The following LPA variants were observed in gnomAD, a reference collection of about 807,000 sequenced individuals.
LPA encodes lipoprotein(a), also known as apolipoprotein(a).
In LPA, 199 loss-of-function variants were observed where a neutral mutation model predicts 197.9. That is an observed-to-expected ratio of 1.01 (90% CI 0.90 to 1.13). LPA has a LOEUF of 1.13. Ranked by LOEUF, LPA falls within the 50% of genes most tolerant of loss-of-function variation. LPA has a pLI of 0.00. For missense variants in LPA, 1,853 were observed against 1,785.8 expected (o/e 1.04, Z -0.68); for synonymous variants, 715 against 639.5 (o/e 1.12, Z -1.78).
At chr6:160,609,242 A>C (rs892458189) in intron 16 of LPA, among the ~76,000 whole-genome samples, 6 of 152,224 alleles carry the variant, frequency 3.9e-5, no homozygotes, top group African/African-American at 1.4e-4. Context: ...TGTTTTGGGC[A>C]GTGCACAATA....
chr6:160,587,751 TTGTGTGTGTGTGTGTGTGTGTGTGTGTG>T (rs67979615), intron 24 of LPA, among the ~76,000 whole-genome samples: 4 of 125,466 alleles, frequency 3.2e-5, no homozygotes, highest in Non-Finnish European at 6.7e-5. Context: ...GGTTCAGTCT[TTGTGTGTGTGTGTGTGTGTGTGTGTGTG>T]TGTGTGTGTG....
chr6:160,592,944 T>C (rs1485291181), intron 22 of LPA, among the ~76,000 whole-genome samples: 1 of 152,186 alleles, frequency 6.6e-6, no homozygotes, highest in East Asian at 1.9e-4. Flanking sequence ...ACTGTTCCCT[T>C]GCAGTTGTTC....
rs554282299 is a variant in LPA at position 160,607,168 on chromosome 6, C to T, written c.2604-510G>A. 8.1e-4 allele frequency among the ~76,000 whole-genome samples: 123 copies of T among 152,238 alleles called. 1 individual carries two copies. The highest frequency in any genetic ancestry group is 2.8e-3 in the African/African-American group (117 of 41,506). ...AGGATAACCTTTCCAGGTCAACCTT[C>T]ACTCTCTATGTACTCAAAACCTCGC... On this transcript the variant is annotated intron_variant, in intron 16 of 38. Coordinates refer to ENST00000316300, the MANE Select transcript of LPA (RefSeq NM_005577.4).
At chr6:160,548,342 G>C in intron 31 of LPA, 136 bp downstream of exon 31, 2 of 889,654 alleles carry the variant, frequency 2.2e-6, no homozygotes, top group Non-Finnish European at 3.5e-6. Context: ...GGTCATGGCA[G>C]AACCTCAACC....
At chr6:160,580,055 C>T (rs187614196) in intron 26 of LPA, among the ~76,000 whole-genome samples, 131 of 152,290 alleles carry the variant, frequency 8.6e-4, no homozygotes, top group Admixed American at 3.2e-3. Context: ...CCTCTTCCCA[C>T]GGCCAGTGTC....
At chr6:160,537,442 C>G (rs771483587) in intron 37 of LPA, among the ~76,000 whole-genome samples, 40 of 152,154 alleles carry the variant, frequency 2.6e-4, no homozygotes, top group Non-Finnish European at 4.7e-4. Flanking sequence ...TGTTTAGAAA[C>G]GCAGTCTGTC....
rs531603981 is a variant in LPA at position 160,570,199 on chromosome 6, G to A, written c.4631+6937C>T. 7.2e-5 allele frequency among the ~76,000 whole-genome samples: 11 copies of A among 152,180 alleles called. No individual in the cohort carries two copies. The East Asian group carries it at 9.7e-4, about 13-fold the overall frequency. On this transcript the variant is annotated intron_variant, in intron 28 of 38. Coordinates refer to ENST00000316300, the MANE Select transcript of LPA (RefSeq NM_005577.4). Reference sequence around the variant, plus strand: ...ACACATGCACACATATGTTTATTGCGGCACTATTCACAATAGCAAAGACTT... The same window carrying A: ...ACACATGCACACATATGTTTATTGCAGCACTATTCACAATAGCAAAGACTT...
At chr6:160,604,857 G>A (rs1170365677) in intron 18 of LPA, among the ~76,000 whole-genome samples, 189 bp downstream of exon 18, 2 of 152,114 alleles carry the variant, frequency 1.3e-5, no homozygotes, top group Non-Finnish European at 2.9e-5. Flanking sequence ...AAACTAGGAG[G>A]AAGGAGAGCC....
intron 16 of LPA, among the ~76,000 whole-genome samples, chr6:160,610,913 T>C (rs1033268259): frequency 6.6e-6 from 1 of 152,178 alleles, no homozygotes; most frequent in African/African-American, 2.4e-5. Flanking sequence ...TGGTTGTTGA[T>C]TATGGCCAAA....
chr6:160,542,239 G>T (rs1156821497), intron 34 of LPA, among the ~76,000 whole-genome samples: 2 of 152,148 alleles, frequency 1.3e-5, no homozygotes, highest in Non-Finnish European at 2.9e-5. Context: ...CCTCGGCATT[G>T]AATTCAATGA....
intron 22 of LPA, among the ~76,000 whole-genome samples, 156 bp from the exon 23 acceptor site, chr6:160,591,257 A>G (rs900723472): frequency 3.9e-5 from 6 of 152,244 alleles, no homozygotes; most frequent in African/African-American, 1.4e-4. Flanking sequence ...CTCAACTTCT[A>G]AACAACTGTG....
intron 16 of LPA, among the ~76,000 whole-genome samples, chr6:160,611,032 C>A (rs1228733879): frequency 1.3e-5 from 2 of 152,124 alleles, no homozygotes; most frequent in South Asian, 2.1e-4. Flanking sequence ...TTCCTTGGAT[C>A]TTCTCTTGCT....
rs73784276 is a variant in LPA, at chr6:160,545,376, G to T, written c.5398+64C>A. The T allele has an allele frequency of 4.9e-3, 5,275 of 1,084,182 alleles. 141 individuals are homozygous for T. In the African/African-American group the frequency reaches 0.074, roughly 15 times the overall value. 67.2% of individuals were successfully genotyped at this position (1,084,182 alleles called of 1,614,324 possible). On this transcript the variant is annotated intron_variant, in intron 33 of 38. Coordinates refer to ENST00000316300, the MANE Select transcript of LPA (RefSeq NM_005577.4). ...TCAAAAGCCATTTTCTGTTTTTTTT[G>T]CTTTTTTTTTTCCAAATCCATATTA...
chr6:160,573,290 GT>G (rs573401416), intron 28 of LPA, among the ~76,000 whole-genome samples: 5 of 150,308 alleles, frequency 3.3e-5, no homozygotes, highest in African/African-American at 7.3e-5. Context: ...ATTTTTTATT[GT>G]TTTTTTATTA....
At chr6:160,607,914 T>A (rs1348463927) in intron 16 of LPA, among the ~76,000 whole-genome samples, 10 of 152,172 alleles carry the variant, frequency 6.6e-5, no homozygotes, top group Non-Finnish European at 1.2e-4. Flanking sequence ...CAATATCTCC[T>A]TGAACCCACA....
intron 16 of LPA, among the ~76,000 whole-genome samples, chr6:160,610,941 G>A (rs992031692): frequency 2.6e-5 from 4 of 152,094 alleles, no homozygotes; most frequent in Non-Finnish European, 4.4e-5. Context: ...CCATGGGGTG[G>A]TCAGACCAGG....
At position 160,586,503 on chromosome 6, in the gene LPA, G is replaced by A. The variant is rs1316921549; in HGVS notation, c.4075C>T (p.Leu1359Phe). 6.2e-7 allele frequency: 1 copy of A among 1,613,858 alleles called. No individual in the cohort carries two copies. Among genetic ancestry groups the A allele is most frequent in the Non-Finnish European group, 8.5e-7 (1 of 1,179,792 alleles). The part of the protein sequence containing the change: ...TQCPVMESTL[L>F]TTPTVVPVPS... ...ACTGGGACCACCGTGGGAGTTGTGA[G>A]GAGAGTTGATTCCATCACTGGACAT... The change falls in exon 25 of 39, where the codon CTC becomes TTC. Residue 1359 changes from leucine to phenylalanine, a missense_variant. Transcript: ENST00000316300.
At chr6:160,578,750 T>A in intron 26 of LPA, 46 bp from the exon 27 acceptor site, 1 of 1,613,118 alleles carries the variant, frequency 6.2e-7, no homozygotes. Flanking sequence ...GGGAGAATAT[T>A]CAAGGGCACT....
intron 2 of LPA, among the ~76,000 whole-genome samples, chr6:160,647,386 T>C (rs1303532421): frequency 2.0e-5 from 3 of 152,190 alleles, no homozygotes; most frequent in Non-Finnish European, 4.4e-5. Context: ...ATTCATGACC[T>C]GTGGCTGCCT....
Sources: gnomAD v4.1 joint callset for allele counts (sites outside exome capture counted in the v4.1 genomes callset) on GRCh38, gnomAD v4.1.1 for gene constraint, MANE v1.5 for transcripts, NCBI Gene and HGNC (gene_info 2026-07-23, HGNC 2026-07-21) for gene names.